The following WARS1 variants were observed in gnomAD, a reference collection of about 807,000 sequenced individuals.
WARS1 encodes the protein tryptophan--tRNA ligase, cytoplasmic.
Under a neutral mutation model 47.8 loss-of-function variants are expected in WARS1, and 17 were observed. The observed-to-expected ratio is 0.36, with a 90% CI of 0.24 to 0.53. The LOEUF is 0.53. Among genes scored for constraint, WARS1 ranks in the 20% least tolerant of loss-of-function variants. The pLI is 0.91. For synonymous variants in WARS1, 208 were observed against 228.1 expected (o/e 0.91, Z 0.79); for missense variants, 434 against 608.0 (o/e 0.71, Z 3.01).
chr14:100,342,674 C>G (rs2139922435), intron 8 of WARS1, 103 bp from the exon 9 acceptor site: 1 of 1,123,858 alleles, frequency 8.9e-7, no homozygotes, highest in East Asian at 2.6e-5. Flanking sequence ...TCTCATGCTT[C>G]CAACCAAAGA....
intron 2 of WARS1, chr14:100,366,003 G>C: frequency 2.0e-5 from 9 of 456,030 alleles, no homozygotes; most frequent in South Asian, 1.4e-4. Flanking sequence ...GCTGGTTGAA[G>C]TCTCTTCAAG....
At chr14:100,363,318 A>G (rs1414474238) in intron 2 of WARS1, among the ~76,000 whole-genome samples, 1 of 152,122 alleles carries the variant, frequency 6.6e-6, no homozygotes, top group African/African-American at 2.4e-5. Flanking sequence ...ATAGCACCAA[A>G]ATAAGACAAG....
At chr14:100,344,364 C>G (rs1017297923) in intron 7 of WARS1, among the ~76,000 whole-genome samples, 1 of 152,324 alleles carries the variant, frequency 6.6e-6, no homozygotes, top group East Asian at 1.9e-4. Flanking sequence ...GGATTGCAGA[C>G]GGAGTCTGGT....
At chr14:100,372,518 A>T (rs1348680743) in intron 1 of WARS1, among the ~76,000 whole-genome samples, 1 of 152,142 alleles carries the variant, frequency 6.6e-6, no homozygotes, top group Non-Finnish European at 1.5e-5. Context: ...TTTAGGGAGG[A>T]ATGCCGGAGT....
At chr14:100,364,731 G>C (rs1234863622) in intron 2 of WARS1, among the ~76,000 whole-genome samples, 2 of 152,094 alleles carry the variant, frequency 1.3e-5, no homozygotes, top group African/African-American at 4.8e-5. Flanking sequence ...CAGTCACTAA[G>C]AATTACTAAC....
chr14:100,362,767 A>G (rs1209925025), intron 2 of WARS1, among the ~76,000 whole-genome samples: 1 of 152,250 alleles, frequency 6.6e-6, no homozygotes, highest in African/African-American at 2.4e-5. Flanking sequence ...AGGGAAATAC[A>G]AACATTTCCA....
chr14:100,338,291 A>C (rs2139887832), intron 9 of WARS1, among the ~76,000 whole-genome samples: 1 of 151,858 alleles, frequency 6.6e-6, no homozygotes, highest in East Asian at 1.9e-4. Flanking sequence ...TTTAGATAGG[A>C]TCTCCAGTCT....
Position 100,353,733 on chromosome 14 carries a change from A to C in WARS1, c.679T>G (p.Phe227Val). Residue 227 changes from phenylalanine (F) to valine (V), a missense_variant, in exon 6 of 11, where the codon TTT becomes GTT. Phe to Val is a conservative substitution (Grantham distance 50). This residue lies in a region of WARS1 where 347 missense variants were observed against 523.8 expected (regional missense o/e 0.66). Transcript: ENST00000392882. ...ENAKDIIACG[F>V]DINKTFIFSD... is the part of the protein sequence containing the mutation. ...AATATGAAAGTCTTGTTGATGTCAA[A>C]GCCACAGGCGATGATGTCCTTGGCA... 6.2e-7 allele frequency: 1 copy of C among 1,614,156 alleles called. No individual in the cohort carries two copies. The highest frequency in any genetic ancestry group is 8.5e-7 in the Non-Finnish European group (1 of 1,180,024).
upstream of WARS1, chr14:100,376,274 C>G: frequency 2.7e-6 from 2 of 753,796 alleles, no homozygotes. Context: ...CCCAGCCGGG[C>G]CAGTCAGCGC....
chr14:100,339,103 T>TCACACACA (rs528163285), intron 9 of WARS1, among the ~76,000 whole-genome samples: 115 of 145,402 alleles, frequency 7.9e-4, no homozygotes, highest in African/African-American at 2.7e-3. Context: ...TGAAACTCCA[T>TCACACACA]CACACACACA....
chr14:100,352,448 G>C (rs1266770085), intron 6 of WARS1, among the ~76,000 whole-genome samples: 3 of 152,158 alleles, frequency 2.0e-5, no homozygotes, highest in African/African-American at 7.2e-5. Flanking sequence ...TCTTATAAGA[G>C]GGAACGTTCT....
intron 4 of WARS1, among the ~76,000 whole-genome samples, chr14:100,359,332 G>A (rs1283629933): frequency 6.6e-6 from 1 of 152,134 alleles, no homozygotes; most frequent in Non-Finnish European, 1.5e-5. Context: ...ATATTATTTG[G>A]CAATAAAAAG....
intron 7 of WARS1, 40 bp from the exon 8 acceptor site, chr14:100,343,427 T>A: frequency 6.4e-6 from 9 of 1,403,180 alleles, no homozygotes; most frequent in Non-Finnish European, 8.9e-6. Context: ...TGAGATGAGT[T>A]CCTGTTCTGC....
rs757658259 is a variant in WARS1 at position 100,360,586 on chromosome 14, G to A, written c.390C>T (p.His130=). 25 of 1,613,734 alleles carry A rather than the reference G, an allele frequency of 1.5e-5. No individual in the cohort carries two copies. Among genetic ancestry groups the A allele is most frequent in the Non-Finnish European group, 2.0e-5 (24 of 1,179,750 alleles). ...IERATGQRPH[H]FLRRGIFFSH... ...AGAAGAAGATGCCTCTGCGCAGGAA[G>A]TGGTGTGGTCTTTGGCCGGTGGCTC... Residue 130 remains histidine (H), a synonymous_variant, in exon 4 of 11, where the codon CAC becomes CAT. Coordinates refer to ENST00000392882, the MANE Select transcript of WARS1 (RefSeq NM_004184.4).
chr14:100,369,782 A>G (rs1270164266), intron 1 of WARS1, among the ~76,000 whole-genome samples: 1 of 151,204 alleles, frequency 6.6e-6, no homozygotes, highest in African/African-American at 2.4e-5. Flanking sequence ...GGTTCAAGCG[A>G]TTCTTCTGTC....
In WARS1 at chr14:100,360,619, T is replaced by C. The variant is rs1369252170; in HGVS notation, c.357A>G (p.Arg119=). The C allele has an allele frequency of 6.2e-7, 1 of 1,613,880 alleles. No individual in the cohort carries two copies. The highest frequency in any genetic ancestry group is 1.3e-5 in the African/African-American group (1 of 74,918). ...SSKIDKELIN[R]IERATGQRPH... is the part of the protein sequence containing the mutation. ...GTCTTTGGCCGGTGGCTCTCTCTAT[T>C]CGGTTTATTAGCTCTTTGTCAATTT... Residue 119 remains arginine (R), a synonymous_variant, in exon 4 of 11, where the codon CGA becomes CGG. Transcript: ENST00000392882.
At chr14:100,347,587 T>G (rs1384698662) in intron 6 of WARS1, among the ~76,000 whole-genome samples, 1 of 152,060 alleles carries the variant, frequency 6.6e-6, no homozygotes. Context: ...CTTCTTTTTT[T>G]TTGTTTTGAG....
chr14:100,354,672 GAT>G, intron 4 of WARS1, 106 bp from the exon 5 acceptor site: 1 of 1,287,572 alleles, frequency 7.8e-7, no homozygotes. Flanking sequence ...AAACAACATG[GAT>G]AATAACTAGA....
intron 4 of WARS1, among the ~76,000 whole-genome samples, chr14:100,358,082 G>A (rs1223269229): frequency 6.6e-6 from 1 of 152,206 alleles, no homozygotes; most frequent in Non-Finnish European, 1.5e-5. Context: ...GGAAATGCAA[G>A]GGGCCCAGAA....
Sources: allele counts gnomAD v4.1 joint callset (sites outside exome capture counted in the v4.1 genomes callset), GRCh38; gene constraint gnomAD v4.1.1; regional missense constraint gnomAD v4.1.1; transcripts MANE v1.5; gene names NCBI Gene and HGNC (gene_info 2026-07-23, HGNC 2026-07-21).